The following CTIF variants were observed in gnomAD, a reference collection of about 807,000 sequenced individuals.
CTIF encodes the protein cap binding complex dependent translation initiation factor.
A neutral mutation model predicts 66.0 loss-of-function variants in CTIF; 21 were observed. The ratio of observed to expected loss-of-function variants is 0.32; its 90% confidence interval spans 0.23 to 0.46. The LOEUF (loss-of-function observed/expected upper bound fraction) is 0.46. Ranked by LOEUF, CTIF falls within the 20% of genes least tolerant of loss-of-function variation. The pLI is 1.00. For missense variants in CTIF, 739 were observed against 812.7 expected, an observed-to-expected ratio of 0.91 and a Z score of 1.10; for synonymous variants, 345 against 326.4, an observed-to-expected ratio of 1.06 and a Z score of -0.62.
intron 9 of CTIF, among the ~76,000 whole-genome samples, chr18:48,765,665 G>A (rs953426897): frequency 1.3e-5 from 2 of 152,160 alleles, no homozygotes; most frequent in Non-Finnish European, 2.9e-5. Flanking sequence ...AAGGGAGAAG[G>A]TTTAAGGTCC....
At chr18:48,683,365 C>A (rs1343575061) in intron 6 of CTIF, among the ~76,000 whole-genome samples, 3 of 149,920 alleles carry the variant, frequency 2.0e-5, no homozygotes, top group African/African-American at 7.3e-5. Context: ...CCCCTGCTTG[C>A]AGTGAGACCA....
At chr18:48,839,218 C>T (rs1470275971) in intron 10 of CTIF, among the ~76,000 whole-genome samples, 4 of 152,188 alleles carry the variant, frequency 2.6e-5, no homozygotes, top group Admixed American at 6.5e-5. Context: ...TCAGTCTCAC[C>T]CTGCCACCCT....
Position 48,663,745 on chromosome 18 carries a change from C to G in CTIF, c.253-7C>G. 1.2e-6 allele frequency: 2 copies of G among 1,613,938 alleles called. No homozygotes were observed. Among genetic ancestry groups the G allele is most frequent in the Non-Finnish European group, 1.7e-6 (2 of 1,179,832 alleles). ...AATGTCAGCCCTTTCACCCCCATCTCTTCCAGAATGGCAGCAAAGACAACT... is the reference window on the plus strand; with the variant it reads ...AATGTCAGCCCTTTCACCCCCATCTGTTCCAGAATGGCAGCAAAGACAACT... On this transcript the variant is annotated splice_region_variant and splice_polypyrimidine_tract_variant and intron_variant, in intron 3 of 11. Transcript: ENST00000256413.
intron 1 of CTIF, among the ~76,000 whole-genome samples, chr18:48,551,520 C>G (rs1161638258): frequency 6.6e-6 from 1 of 152,176 alleles, no homozygotes; most frequent in Non-Finnish European, 1.5e-5. Context: ...TACTAATACA[C>G]ATGCATTGTG....
intron 1 of CTIF, among the ~76,000 whole-genome samples, chr18:48,580,786 G>A (rs1351806515): frequency 6.6e-6 from 1 of 152,070 alleles, no homozygotes; most frequent in Non-Finnish European, 1.5e-5. Context: ...TGGCTCCCCC[G>A]CCCTGCAGCT....
intron 1 of CTIF, among the ~76,000 whole-genome samples, chr18:48,549,974 TTTTG>T (rs1053689469): frequency 1.4e-4 from 22 of 152,156 alleles, no homozygotes; most frequent in African/African-American, 3.6e-4. Context: ...TTGTTGAGGT[TTTTG>T]TTTGTTTGTT....
intron 10 of CTIF, among the ~76,000 whole-genome samples, chr18:48,838,951 T>G (rs1442417259): frequency 1.3e-5 from 2 of 152,118 alleles, no homozygotes; most frequent in African/African-American, 4.8e-5. Context: ...TAGTGGAACC[T>G]GTCTTCTGCT....
chr18:48,692,089 C>G (rs999324263), intron 6 of CTIF, among the ~76,000 whole-genome samples: 1 of 152,224 alleles, frequency 6.6e-6, no homozygotes, highest in South Asian at 2.1e-4. Flanking sequence ...GCCATGTTGG[C>G]CAGGTTGGTC....
chr18:48,707,491 G>A (rs576688619), intron 6 of CTIF, among the ~76,000 whole-genome samples: 2 of 152,184 alleles, frequency 1.3e-5, no homozygotes, highest in Non-Finnish European at 2.9e-5. Flanking sequence ...CTGGTGGGGG[G>A]CACTTTTCAT....
chr18:48,741,821 T>C (rs970917901), intron 7 of CTIF, among the ~76,000 whole-genome samples: 1 of 152,070 alleles, frequency 6.6e-6, no homozygotes, highest in Admixed American at 6.5e-5. Flanking sequence ...CCTCTCGTCA[T>C]CTTCATCTTC....
chr18:48,570,529 G>T (rs757124708), intron 1 of CTIF, among the ~76,000 whole-genome samples: 39 of 152,196 alleles, frequency 2.6e-4, no homozygotes, highest in Non-Finnish European at 4.4e-4. Context: ...AGACATCCAC[G>T]CACACACTGA....
intron 6 of CTIF, among the ~76,000 whole-genome samples, chr18:48,691,212 G>T (rs9953732): frequency 3.3e-5 from 5 of 152,042 alleles, no homozygotes; most frequent in African/African-American, 1.2e-4. Flanking sequence ...AAAGTCTCCC[G>T]GCATTTCCAA....
intron 9 of CTIF, among the ~76,000 whole-genome samples, chr18:48,788,314 C>T (rs897819956): frequency 6.6e-6 from 1 of 152,174 alleles, no homozygotes; most frequent in Admixed American, 6.5e-5. Flanking sequence ...ACATAAAACA[C>T]AATTGGGGTG....
At chr18:48,744,343 T>A (rs913254571) in intron 7 of CTIF, among the ~76,000 whole-genome samples, 2 of 152,148 alleles carry the variant, frequency 1.3e-5, no homozygotes, top group Non-Finnish European at 2.9e-5. Flanking sequence ...TTAAGAAAAA[T>A]TGCCACCAAG....
At chr18:48,826,263 C>G (rs1351854403) in intron 10 of CTIF, 1 of 152,184 alleles carries the variant, frequency 6.6e-6, no homozygotes, top group Non-Finnish European at 1.5e-5. Flanking sequence ...AAACCGTGTT[C>G]CAGGCATGGC....
chr18:48,621,553 C>T, intron 2 of CTIF: 1 of 390,662 alleles, frequency 2.6e-6, no homozygotes, highest in Non-Finnish European at 5.0e-6. Flanking sequence ...ACCAGTGAGG[C>T]AGGAGGGAAC....
chr18:48,730,696 A>T (rs73956012), intron 7 of CTIF, among the ~76,000 whole-genome samples: 8,085 of 34,124 alleles, frequency 0.24, 2,003 homozygotes, highest in East Asian at 0.67. Context: ...GGAGCCCCTG[A>T]GGTGTGAGGG....
At chr18:48,748,408 C>T (rs1271271133) in intron 7 of CTIF, among the ~76,000 whole-genome samples, 3 of 151,994 alleles carry the variant, frequency 2.0e-5, no homozygotes, top group Non-Finnish European at 4.4e-5. Context: ...AATTGAGTAT[C>T]ACTATACCTT....
chr18:48,718,441 G>C (rs1352083686), intron 7 of CTIF, among the ~76,000 whole-genome samples: 1 of 152,190 alleles, frequency 6.6e-6, no homozygotes, highest in African/African-American at 2.4e-5. Flanking sequence ...AGGAAAGCCA[G>C]TGGTGTAATC....
Sources: allele counts gnomAD v4.1 joint callset (sites outside exome capture counted in the v4.1 genomes callset), GRCh38; gene constraint gnomAD v4.1.1; transcripts MANE v1.5; gene names NCBI Gene and HGNC (gene_info 2026-07-23, HGNC 2026-07-21).